The following DMD variants were observed in gnomAD, a reference collection of about 807,000 sequenced individuals.
DMD encodes mutant dystrophin.
Under a neutral mutation model 330.1 loss-of-function variants are expected in DMD, and 63 were observed. The observed-to-expected ratio is 0.19, with a 90% CI of 0.16 to 0.24. DMD has a LOEUF of 0.24. Among genes scored for constraint, DMD ranks in the 10% least tolerant of loss-of-function variants. The probability of loss-of-function intolerance (pLI) is 1.00; values close to 1 mark genes in which losing one functional copy is unlikely to be tolerated. For missense variants in DMD, 3,344 were observed against 2,684.1 expected (o/e 1.25, Z -5.43); for synonymous variants, 1,223 against 959.8 (o/e 1.27, Z -5.07).
chrX:31,502,763 A>G lies in DMD; in HGVS notation c.8390+4518T>C, dbSNP rs981401588. On this transcript the variant is annotated intron_variant, in intron 56 of 78. Coordinates refer to ENST00000357033, the MANE Select transcript of DMD (RefSeq NM_004006.3). Reference sequence around the variant, plus strand: ...AGACTAAATTGAAATCTTCATATATATTTCTTATGTAAAACAATTGACTTG... The same window carrying G: ...AGACTAAATTGAAATCTTCATATATGTTTCTTATGTAAAACAATTGACTTG... 1.3e-4 allele frequency among the ~76,000 whole-genome samples: 14 copies of G among 111,743 alleles called. No individual in the cohort carries two copies. In the East Asian group the frequency reaches 3.9e-3, roughly 31 times the overall value.
At chrX:32,761,720 C>T (rs2072320898) in intron 7 of DMD, among the ~76,000 whole-genome samples, 1 of 111,683 alleles carries the variant, frequency 9.0e-6, no homozygotes, top group African/African-American at 3.3e-5. Context: ...AATGTTGCCC[C>T]AGAGCTGCTA....
chrX:32,713,957 A>G (rs191736852), intron 7 of DMD, among the ~76,000 whole-genome samples: 1 of 112,082 alleles, frequency 8.9e-6, no homozygotes, highest in East Asian at 2.8e-4. Flanking sequence ...CTTTGGCAAA[A>G]CCATCTAACA....
intron 9 of DMD, among the ~76,000 whole-genome samples, chrX:32,656,812 C>G (rs1477868922): frequency 9.0e-6 from 1 of 111,467 alleles, no homozygotes. Context: ...ATTTTAATTT[C>G]TTATTTAAGG....
intron 8 of DMD, among the ~76,000 whole-genome samples, chrX:32,698,491 T>C (rs1215768435): frequency 8.9e-6 from 1 of 111,778 alleles, no homozygotes; most frequent in East Asian, 2.8e-4. Flanking sequence ...TCACTGTTGT[T>C]TGTGCCTGAG....
intron 56 of DMD, among the ~76,000 whole-genome samples, chrX:31,497,943 A>G (rs2070036897): frequency 8.9e-6 from 1 of 112,477 alleles, no homozygotes; most frequent in Admixed American, 9.5e-5. Context: ...TGTAAAGCAA[A>G]GCAACCAGGT....
At chrX:32,093,768 C>T (rs901041705) in intron 44 of DMD, among the ~76,000 whole-genome samples, 6 of 110,572 alleles carry the variant, frequency 5.4e-5, no homozygotes, top group Non-Finnish European at 9.5e-5. Flanking sequence ...AGACAATGGC[C>T]CACAGAATTA....
intron 6 of DMD, among the ~76,000 whole-genome samples, chrX:32,815,514 T>TACACACAC (rs761584148): frequency 0.011 from 718 of 62,917 alleles, 16 homozygotes; most frequent in African/African-American, 0.044. Context: ...TATATATATA[T>TACACACAC]ATATATACAC....
intron 44 of DMD, among the ~76,000 whole-genome samples, chrX:32,111,077 G>T (rs998054874): frequency 8.9e-6 from 1 of 112,104 alleles, no homozygotes; most frequent in Admixed American, 9.5e-5. Context: ...ATATTGCATA[G>T]CTAGTATGTA....
At chrX:32,137,683 A>T (rs1242628751) in intron 44 of DMD, among the ~76,000 whole-genome samples, 1 of 110,310 alleles carries the variant, frequency 9.1e-6, no homozygotes, top group East Asian at 2.9e-4. Context: ...GGTATGTTGC[A>T]TGATGAAAAG....
At position 31,929,588 on chromosome X, in the gene DMD, T is replaced by C. The variant is rs1296209292; in HGVS notation, c.6912+8A>G. ...CACATGTGACGGAAGAGATGGTTAA[T>C]GTCTAACCTTTATCCACTGGAGATT... is the stretch of plus-strand genomic sequence containing the variant. On this transcript the variant is annotated splice_region_variant and intron_variant, in intron 47 of 78. Coordinates refer to ENST00000357033, the MANE Select transcript of DMD (RefSeq NM_004006.3). 2.6e-5 allele frequency: 31 copies of C among 1,210,050 alleles called. No individual in the cohort carries two copies. Among genetic ancestry groups the C allele is most frequent in the Non-Finnish European group, 2.8e-5 (25 of 894,340 alleles).
chrX:31,845,173 G>T (rs2093395855), intron 48 of DMD, among the ~76,000 whole-genome samples: 1 of 110,592 alleles, frequency 9.0e-6, no homozygotes, highest in African/African-American at 3.3e-5. Context: ...ACAGAAGACT[G>T]CTCCTCTCTT....
At chrX:32,205,028 C>T (rs1378146269) in intron 44 of DMD, among the ~76,000 whole-genome samples, 28 of 85,178 alleles carry the variant, frequency 3.3e-4, no homozygotes, top group Non-Finnish European at 5.9e-4. Context: ...CACACACACA[C>T]ACACACACAC....
intron 1 of DMD, among the ~76,000 whole-genome samples, chrX:33,321,740 T>C (rs146394930): frequency 4.7e-3 from 532 of 112,453 alleles, no homozygotes; most frequent in Middle Eastern, 0.014. Context: ...CTTCTTCAAA[T>C]AGAAGGCTAT....
At chrX:32,888,847 T>C (rs949993098) in intron 2 of DMD, among the ~76,000 whole-genome samples, 1 of 111,819 alleles carries the variant, frequency 8.9e-6, no homozygotes, top group Non-Finnish European at 1.9e-5. Context: ...AATCCTGTAA[T>C]TGGGAACAAT....
At chrX:31,314,770 G>GAA (rs2055864333) in intron 62 of DMD, among the ~76,000 whole-genome samples, 1 of 105,852 alleles carries the variant, frequency 9.4e-6, no homozygotes, top group Non-Finnish European at 1.9e-5. Context: ...GAGAGAGAGA[G>GAA]AGAGAGAGAG....
At chrX:32,196,093 T>C (rs977533642) in intron 44 of DMD, among the ~76,000 whole-genome samples, 1 of 112,389 alleles carries the variant, frequency 8.9e-6, no homozygotes, top group African/African-American at 3.2e-5. Flanking sequence ...ATCATCAGGT[T>C]ACTTGTCAGG....
At chrX:32,261,751 G>C (rs1213131737) in intron 43 of DMD, among the ~76,000 whole-genome samples, 1 of 111,320 alleles carries the variant, frequency 9.0e-6, no homozygotes, top group African/African-American at 3.3e-5. Context: ...GAGAATGTTT[G>C]CGACTGTTTT....
chrX:32,712,261 T>C (rs965494057), intron 7 of DMD, among the ~76,000 whole-genome samples: 4 of 111,303 alleles, frequency 3.6e-5, no homozygotes, highest in Non-Finnish European at 7.6e-5. Flanking sequence ...ACCCTGATTT[T>C]ATGGTGCCTA....
intron 44 of DMD, among the ~76,000 whole-genome samples, chrX:32,015,923 C>T (rs1326984891): frequency 9.0e-6 from 1 of 111,375 alleles, no homozygotes; most frequent in African/African-American, 3.3e-5. Flanking sequence ...TTTTGTGGAA[C>T]TTGGCAAAAC....
Sources: gnomAD v4.1 joint callset for allele counts (sites outside exome capture counted in the v4.1 genomes callset) on GRCh38, gnomAD v4.1.1 for gene constraint, MANE v1.5 for transcripts, NCBI Gene and HGNC (gene_info 2026-07-23, HGNC 2026-07-21) for gene names.